The following FHL2 variants were observed in gnomAD, a reference collection of about 807,000 sequenced individuals.
The protein encoded by FHL2 is four and a half LIM domains 2.
A neutral mutation model predicts 32.7 loss-of-function variants in FHL2; 20 were observed. That is an observed-to-expected ratio of 0.61 (90% CI 0.43 to 0.89). The LOEUF (loss-of-function observed/expected upper bound fraction) is 0.89, where lower values mean the gene tolerates loss of function less well. Among genes scored for constraint, FHL2 ranks in the 40% least tolerant of loss-of-function variants. The pLI is 0.00. For missense variants in FHL2, 311 were observed against 358.6 expected (o/e 0.87, Z 1.07); for synonymous variants, 123 against 128.1 (o/e 0.96, Z 0.27).
chr2:105,387,371 C>T (rs1299403797), intron 2 of FHL2, among the ~76,000 whole-genome samples: 1 of 152,166 alleles, frequency 6.6e-6, no homozygotes. Flanking sequence ...AATGAGGGCA[C>T]TAATACCCTT....
chr2:105,416,501 A>T (rs753927986), intron 1 of FHL2, among the ~76,000 whole-genome samples: 1 of 152,252 alleles, frequency 6.6e-6, no homozygotes, highest in Non-Finnish European at 1.5e-5. Flanking sequence ...CCAAAATTTG[A>T]AAAAGAGATG....
At chr2:105,406,366 G>C (rs933968794) in intron 1 of FHL2, among the ~76,000 whole-genome samples, 1 of 152,146 alleles carries the variant, frequency 6.6e-6, no homozygotes, top group Non-Finnish European at 1.5e-5. Flanking sequence ...TTGTCTCCAT[G>C]GAGGGCCGGA....
intron 4 of FHL2, among the ~76,000 whole-genome samples, chr2:105,371,556 C>CTCTT (rs1681069181): frequency 7.7e-6 from 1 of 129,626 alleles, no homozygotes; most frequent in Non-Finnish European, 1.7e-5. Flanking sequence ...ATCTCTCTCT[C>CTCTT]TCTCTCTCTC....
At chr2:105,386,756 CTTTTT>C (rs11380471) in intron 2 of FHL2, among the ~76,000 whole-genome samples, 1 of 48,924 alleles carries the variant, frequency 2.0e-5, no homozygotes, top group Non-Finnish European at 3.6e-5. Context: ...ATGCATTCCA[CTTTTT>C]TTTTTTTTTT....
chr2:105,436,666 C>A (rs140847988), intron 1 of FHL2, among the ~76,000 whole-genome samples: 21 of 151,016 alleles, frequency 1.4e-4, no homozygotes, highest in African/African-American at 4.4e-4. Flanking sequence ...TTAAAAAAAA[C>A]GAATATTAAG....
At chr2:105,427,521 G>T (rs776081492) in intron 1 of FHL2, among the ~76,000 whole-genome samples, 2 of 152,142 alleles carry the variant, frequency 1.3e-5, no homozygotes, top group Non-Finnish European at 2.9e-5. Flanking sequence ...AGTGAGCTCC[G>T]GGGCTTGGGG....
At chr2:105,402,395 T>C (rs1325942564), upstream of FHL2, among the ~76,000 whole-genome samples, 2 of 151,962 alleles carry the variant, frequency 1.3e-5, no homozygotes, top group African/African-American at 4.8e-5. Context: ...TACAGGCATG[T>C]GCCACCATAC....
intron 1 of FHL2, among the ~76,000 whole-genome samples, chr2:105,409,026 G>A (rs1683715973): frequency 6.6e-6 from 1 of 152,174 alleles, no homozygotes; most frequent in Non-Finnish European, 1.5e-5. Flanking sequence ...AGCAGCAGGA[G>A]GTGGGGGTAG....
intron 1 of FHL2, among the ~76,000 whole-genome samples, 189 bp downstream of exon 1, chr2:105,398,653 G>A (rs1683312963): frequency 6.6e-6 from 1 of 152,196 alleles, no homozygotes. Flanking sequence ...AGCGCCCCCA[G>A]GGTCTAGACC....
At chr2:105,399,389 G>A (rs757758257), upstream of FHL2, 4 of 1,535,970 alleles carry the variant, frequency 2.6e-6, no homozygotes, top group East Asian at 2.4e-5. Context: ...TCCCAGGAGC[G>A]GGAGACTGGA....
intron 3 of FHL2, among the ~76,000 whole-genome samples, chr2:105,377,031 G>A (rs567966561): frequency 6.6e-6 from 1 of 152,346 alleles, no homozygotes; most frequent in South Asian, 2.1e-4. Flanking sequence ...GGGAATGGGA[G>A]TGAGAATGTG....
chr2:105,372,269 A>G (rs1681133700), intron 4 of FHL2, among the ~76,000 whole-genome samples: 2 of 152,190 alleles, frequency 1.3e-5, no homozygotes, highest in African/African-American at 4.8e-5. Flanking sequence ...TCTGTCACCC[A>G]GGCTGGAGTG....
intron 2 of FHL2, 147 bp from the exon 3 acceptor site, chr2:105,386,687 C>T (rs890386262): frequency 1.3e-5 from 8 of 635,830 alleles, no homozygotes; most frequent in South Asian, 7.2e-5. Context: ...ACCCTTTAAT[C>T]GGTCATAATT....
upstream of FHL2, chr2:105,399,739 T>C: frequency 1.0e-6 from 1 of 990,134 alleles, no homozygotes; most frequent in Non-Finnish European, 1.4e-6. Context: ...TAGGGACAGA[T>C]GGCACTGTTC....
intron 1 of FHL2, among the ~76,000 whole-genome samples, chr2:105,433,509 G>T (rs536019845): frequency 2.0e-5 from 3 of 152,138 alleles, no homozygotes. Context: ...TCCTTTCTCC[G>T]TTGTGGAGAC....
chr2:105,391,547 C>G (rs1265363595), intron 2 of FHL2, among the ~76,000 whole-genome samples: 1 of 152,144 alleles, frequency 6.6e-6, no homozygotes, highest in Non-Finnish European at 1.5e-5. Flanking sequence ...ACAGCCAAGG[C>G]AATGAGGGCC....
At chr2:105,435,397 T>C (rs1291344321) in intron 1 of FHL2, among the ~76,000 whole-genome samples, 1 of 152,218 alleles carries the variant, frequency 6.6e-6, no homozygotes, top group African/African-American at 2.4e-5. Context: ...TTTTCTATTT[T>C]GTGTTCATAC....
At chr2:105,400,542 G>T (rs1683425324), upstream of FHL2, among the ~76,000 whole-genome samples, 1 of 152,166 alleles carries the variant, frequency 6.6e-6, no homozygotes. Context: ...TAGATGTGTT[G>T]TTGATATCGT....
At chr2:105,401,064 CTTTTTTT>C (rs10561053), upstream of FHL2, among the ~76,000 whole-genome samples, 2 of 125,536 alleles carry the variant, frequency 1.6e-5, no homozygotes, top group Non-Finnish European at 3.3e-5. Context: ...TTATTGGATT[CTTTTTTT>C]TTTTTTTTTT....
Sources: gnomAD v4.1 joint callset for allele counts (sites outside exome capture counted in the v4.1 genomes callset) on GRCh38, gnomAD v4.1.1 for gene constraint, MANE v1.5 for transcripts, NCBI Gene and HGNC (gene_info 2026-07-23, HGNC 2026-07-21) for gene names.